The following UGGT2 variants were observed in gnomAD, a reference collection of about 807,000 sequenced individuals.
UGGT2 encodes UDP-glucose:glycoprotein glucosyltransferase 2.
Under a neutral mutation model 192.1 loss-of-function variants are expected in UGGT2, and 180 were observed. The ratio of observed to expected loss-of-function variants is 0.94; its 90% CI spans 0.83 to 1.06. UGGT2 has a LOEUF of 1.06. UGGT2 is among the 50% of genes least tolerant of loss of function. The pLI, the probability that UGGT2 is intolerant of heterozygous loss-of-function variation, is 0.00. For synonymous variants in UGGT2, 580 were observed against 591.0 expected (o/e 0.98, Z 0.27); for missense variants, 1,849 against 1,795.7 (o/e 1.03, Z -0.54).
At position 95,821,366 on chromosome 13, in the gene UGGT2, G is replaced by C. The variant is rs534440763; in HGVS notation, c.4528+11561C>G. Among the ~76,000 whole-genome samples, 6 of 152,108 alleles carry C rather than the reference G, an allele frequency of 3.9e-5. 1 individual carries two copies. The highest frequency in any genetic ancestry group is 1.4e-4 in the African/African-American group (6 of 41,502). Reference sequence around the variant, plus strand: ...TAATGTTGGGCATTTTTTCATGTTTGTTGGCCATTTGTGCGTCTTCTTTTG... The same window carrying C: ...TAATGTTGGGCATTTTTTCATGTTTCTTGGCCATTTGTGCGTCTTCTTTTG... On this transcript the variant is annotated intron_variant, in intron 38 of 38. Coordinates refer to ENST00000376747, the MANE Select transcript of UGGT2 (RefSeq NM_020121.4).
intron 25 of UGGT2, 94 bp downstream of exon 25, chr13:95,890,768 C>A (rs1246402042): frequency 2.2e-6 from 2 of 902,576 alleles, no homozygotes; most frequent in Non-Finnish European, 3.5e-6. Flanking sequence ...GGTGAAGGAT[C>A]AAGAGCATAA....
chr13:95,880,684 T>C (rs976172135), intron 27 of UGGT2, among the ~76,000 whole-genome samples: 1 of 152,156 alleles, frequency 6.6e-6, no homozygotes, highest in African/African-American at 2.4e-5. Flanking sequence ...CTGTTCTGAG[T>C]ATTGTAATAA....
At position 96,022,984 on chromosome 13, in the gene UGGT2, T is replaced by A. The variant is rs994524650; in HGVS notation, c.485+56A>T. ...TTTTTTTATTATAAGAAGTTTCTGCTATTGAACTCTCCTCTCTATAACCAC... is the reference window on the plus strand; with the variant it reads ...TTTTTTTATTATAAGAAGTTTCTGCAATTGAACTCTCCTCTCTATAACCAC... On this transcript the variant is annotated intron_variant, in intron 4 of 38. Coordinates refer to ENST00000376747, the MANE Select transcript of UGGT2 (RefSeq NM_020121.4). 7.9e-6 allele frequency: 10 copies of A among 1,264,732 alleles called. No homozygotes were observed. The African/African-American group carries it at 1.5e-4, about 19-fold the overall frequency. 78.3% of individuals were successfully genotyped at this position (1,264,732 alleles called of 1,614,324 possible). A position where few individuals can be genotyped will look rare whatever the true frequency, so the allele number is the denominator to read the frequency against.
chr13:95,808,656 C>T (rs766661794), intron 38 of UGGT2, among the ~76,000 whole-genome samples: 3 of 152,102 alleles, frequency 2.0e-5, no homozygotes, highest in Non-Finnish European at 4.4e-5. Flanking sequence ...GCTTAATATC[C>T]GGAGGCAAAA....
chr13:95,865,619 G>A (rs924597276), intron 30 of UGGT2, among the ~76,000 whole-genome samples: 10 of 152,114 alleles, frequency 6.6e-5, no homozygotes, highest in South Asian at 4.1e-4. Flanking sequence ...AGCCAAGATC[G>A]GGCCACTGAA....
At chr13:95,977,852 C>T (rs886284063) in intron 10 of UGGT2, among the ~76,000 whole-genome samples, 3 of 152,158 alleles carry the variant, frequency 2.0e-5, no homozygotes, top group African/African-American at 7.2e-5. Flanking sequence ...CCATGGAATA[C>T]TATGCAGTCA....
At chr13:95,827,787 GAC>G (rs1159234783) in intron 38 of UGGT2, among the ~76,000 whole-genome samples, 10 of 152,122 alleles carry the variant, frequency 6.6e-5, no homozygotes, top group African/African-American at 1.7e-4. Flanking sequence ...ACTAGATACT[GAC>G]CATTTGCATC....
chr13:95,953,283 A>T (rs1281735139), intron 12 of UGGT2, among the ~76,000 whole-genome samples: 2 of 152,230 alleles, frequency 1.3e-5, no homozygotes, highest in Non-Finnish European at 2.9e-5. Flanking sequence ...GTTTATGGAA[A>T]TCTATGAGTG....
At chr13:95,955,407 T>C (rs919722962) in intron 12 of UGGT2, among the ~76,000 whole-genome samples, 4 of 152,230 alleles carry the variant, frequency 2.6e-5, no homozygotes, top group Non-Finnish European at 4.4e-5. Context: ...GAGTGGGAAA[T>C]GCAAGCTTAA....
In UGGT2 at chr13:95,856,197, T is replaced by C. The variant is rs1057390473; in HGVS notation, c.3969A>G (p.Pro1323=). 2.5e-6 allele frequency: 4 copies of C among 1,613,294 alleles called. No individual in the cohort carries two copies. Among genetic ancestry groups the C allele is most frequent in the Non-Finnish European group, 3.4e-6 (4 of 1,179,718 alleles). Residue 1323 remains proline (P), a synonymous_variant, in exon 34 of 39, where the codon CCA becomes CCG. Coordinates refer to ENST00000376747, the MANE Select transcript of UGGT2 (RefSeq NM_020121.4). ...CAAAAATGATTTTGTCCACTGCTAG[T>C]GGGAAAAGAACATCAAGGAAAAGAA... ...YKILFLDVLF[P]LAVDKIIFVD... is the part of the protein sequence containing the mutation.
At chr13:96,023,818 C>T (rs2052586946) in intron 2 of UGGT2, 59 bp from the exon 3 acceptor site, 5 of 1,345,064 alleles carry the variant, frequency 3.7e-6, no homozygotes, top group Non-Finnish European at 5.0e-6. Flanking sequence ...CACATTGGCA[C>T]ATCTTCCACT....
intron 15 of UGGT2, among the ~76,000 whole-genome samples, chr13:95,946,059 TAA>T (rs10544224): frequency 0.29 from 44,681 of 151,972 alleles, 7,119 homozygotes; most frequent in Admixed American, 0.36. Context: ...ACTTATTTTA[TAA>T]GTTATTTTAT....
intron 5 of UGGT2, among the ~76,000 whole-genome samples, chr13:96,004,912 A>G (rs1469463692): frequency 6.6e-6 from 1 of 152,046 alleles, no homozygotes; most frequent in African/African-American, 2.4e-5. Flanking sequence ...TATGCTATAT[A>G]TTCCCAACCA....
chr13:95,880,447 T>C (rs1349063798), intron 27 of UGGT2, among the ~76,000 whole-genome samples: 2 of 152,226 alleles, frequency 1.3e-5, no homozygotes, highest in African/African-American at 4.8e-5. Context: ...TTAAAGACTT[T>C]AGTGCAATCT....
At chr13:95,953,393 C>G (rs1033736750) in intron 12 of UGGT2, among the ~76,000 whole-genome samples, 1 of 152,158 alleles carries the variant, frequency 6.6e-6, no homozygotes, top group Non-Finnish European at 1.5e-5. Flanking sequence ...CAGTCAGAAC[C>G]TGCATACTTT....
chr13:95,921,584 C>T (rs944577183), intron 20 of UGGT2, among the ~76,000 whole-genome samples: 1 of 151,752 alleles, frequency 6.6e-6, no homozygotes. Flanking sequence ...CTTCCATAAA[C>T]AAATCAAGAG....
intron 15 of UGGT2, among the ~76,000 whole-genome samples, chr13:95,942,630 C>T (rs547396005): frequency 1.4e-3 from 210 of 152,112 alleles, no homozygotes; most frequent in Non-Finnish European, 2.5e-3. Flanking sequence ...TTATGCATTT[C>T]TCCTCTTGGG....
At chr13:95,971,653 A>T (rs2050777830) in intron 11 of UGGT2, among the ~76,000 whole-genome samples, 2 of 152,092 alleles carry the variant, frequency 1.3e-5, no homozygotes, top group Admixed American at 1.3e-4. Flanking sequence ...CACATATATA[A>T]TTTTTGTTCC....
At chr13:95,941,389 A>G (rs1039891266) in intron 15 of UGGT2, among the ~76,000 whole-genome samples, 5 of 152,192 alleles carry the variant, frequency 3.3e-5, no homozygotes, top group African/African-American at 9.6e-5. Flanking sequence ...AAGCAGCAGC[A>G]CAGGTATGTA....
Sources: allele counts gnomAD v4.1 joint callset (sites outside exome capture counted in the v4.1 genomes callset), GRCh38; gene constraint gnomAD v4.1.1; transcripts MANE v1.5; gene names NCBI Gene and HGNC (gene_info 2026-07-23, HGNC 2026-07-21).